Variants in AGPAT4 observed in about 807,000 individuals in gnomAD.
AGPAT4 encodes 1-acyl-sn-glycerol-3-phosphate acyltransferase delta.
A neutral mutation model predicts 48.0 loss-of-function variants in AGPAT4; 15 were observed. The observed-to-expected ratio is 0.31, with a 90% CI of 0.21 to 0.48. The LOEUF is 0.48. Among genes scored for constraint, AGPAT4 ranks in the 20% least tolerant of loss-of-function variants. The pLI is 0.99. For synonymous variants in AGPAT4, 178 were observed against 198.7 expected, an observed-to-expected ratio of 0.90 and a Z score of 0.88; for missense variants, 314 against 482.5, an observed-to-expected ratio of 0.65 and a Z score of 3.27.
At chr6:161,256,840 A>G (rs996977706) in intron 1 of AGPAT4, among the ~76,000 whole-genome samples, 6 of 152,262 alleles carry the variant, frequency 3.9e-5, no homozygotes, top group African/African-American at 1.2e-4. Flanking sequence ...CATTCTGCCT[A>G]GGAGACGAAT....
At position 161,254,385 on chromosome 6, in the gene AGPAT4, C is replaced by T. The variant is rs923730016; in HGVS notation, c.-90+19553G>A. 1.3e-5 allele frequency among the ~76,000 whole-genome samples: 2 copies of T among 152,120 alleles called. No homozygotes were observed. The highest frequency in any genetic ancestry group is 2.4e-5 in the African/African-American group (1 of 41,418). On this transcript the variant is annotated intron_variant, in intron 1 of 8. Transcript: ENST00000320285. The surrounding 1 kb of genome is among the most constrained non-coding windows in gnomAD (Gnocchi z 5.9). Reference sequence around the variant, plus strand: ...AGCTTCTTCCTGTCATTCACATCAGCCTAACTGATAACACTATTGAGGGCA... The same window carrying T: ...AGCTTCTTCCTGTCATTCACATCAGTCTAACTGATAACACTATTGAGGGCA...
In AGPAT4 at chr6:161,146,210, G is replaced by A. The variant is rs1013819282; in HGVS notation, c.843+314C>T. ...CAATCAAGACCATGTCCATTGCTGC[G>A]GAGAACATCCACCCCACAAGCACAT... On this transcript the variant is annotated intron_variant, in intron 7 of 8. Coordinates refer to ENST00000320285, the MANE Select transcript of AGPAT4 (RefSeq NM_020133.3). The surrounding 1 kb of genome is among the most constrained non-coding windows in gnomAD (Gnocchi z 7.1). Among the ~76,000 whole-genome samples the A allele has an allele frequency of 1.3e-5, 2 of 151,484 alleles. No homozygotes were observed. The highest frequency in any genetic ancestry group is 2.9e-5 in the Non-Finnish European group (2 of 68,034).
At position 161,240,689 on chromosome 6, in the gene AGPAT4, G is replaced by C. The variant is rs1335534968; in HGVS notation, c.-89-8387C>G. ...GAGGGGAGTGGATACAGTCCCAGGA[G>C]AAAGGAGGGAGCTGGTGTCCAGCAC... On this transcript the variant is annotated intron_variant, in intron 1 of 8. Coordinates refer to ENST00000320285, the MANE Select transcript of AGPAT4 (RefSeq NM_020133.3). The surrounding 1 kb of genome is among the most constrained non-coding windows in gnomAD (Gnocchi z 5.5). Among the ~76,000 whole-genome samples, 1 of 152,186 alleles carries C rather than the reference G, an allele frequency of 6.6e-6. No individual in the cohort carries two copies. Among genetic ancestry groups the C allele is most frequent in the Non-Finnish European group, 1.5e-5 (1 of 68,036 alleles).
chr6:161,184,804 A>G lies in AGPAT4; in HGVS notation c.179-18387T>C, dbSNP rs1247287064. Among the ~76,000 whole-genome samples the G allele has an allele frequency of 6.6e-6, 1 of 152,146 alleles. No homozygotes were observed. Among genetic ancestry groups the G allele is most frequent in the East Asian group, 1.9e-4 (1 of 5,186 alleles). On this transcript the variant is annotated intron_variant, in intron 2 of 8. Coordinates refer to ENST00000320285, the MANE Select transcript of AGPAT4 (RefSeq NM_020133.3). This position sits in a 1 kb window ranked among gnomAD's most constrained non-coding sequence, Gnocchi z 4.8. Reference sequence around the variant, plus strand: ...TGAGAGCTTGGTAGCCATAAATACCATCAGCCCTTAGATTTTGTTCTCTAA... The same window carrying G: ...TGAGAGCTTGGTAGCCATAAATACCGTCAGCCCTTAGATTTTGTTCTCTAA...
chr6:161,161,054 T>C lies in AGPAT4; in HGVS notation c.348+5194A>G. 2.2e-6 allele frequency: 1 copy of C among 456,584 alleles called. No individual in the cohort carries two copies. Among genetic ancestry groups the C allele is most frequent in the Non-Finnish European group, 4.4e-6 (1 of 226,946 alleles). The allele number at this position is 456,584 out of a possible 1,614,324, so 28.3% of individuals were successfully genotyped here. On this transcript the variant is annotated intron_variant, in intron 3 of 8. Transcript: ENST00000320285. This position sits in a 1 kb window ranked among gnomAD's most constrained non-coding sequence, Gnocchi z 4.6. Reference sequence around the variant, plus strand: ...GGACAGTTCATGGGATGATACCAAGTCGGTGTACAGCAGACAGCACAGGCT... The same window carrying C: ...GGACAGTTCATGGGATGATACCAAGCCGGTGTACAGCAGACAGCACAGGCT...
rs1001277255 is a variant in AGPAT4, at chr6:161,206,334, A to T, written c.178+25702T>A. ...TCCATCATTCTCCAGTGATAATGAG[A>T]CCACCCTTTTCCTCAACACAATAAA... On this transcript the variant is annotated intron_variant, in intron 2 of 8. Coordinates refer to ENST00000320285, the MANE Select transcript of AGPAT4 (RefSeq NM_020133.3). The surrounding 1 kb of genome is among the most constrained non-coding windows in gnomAD (Gnocchi z 4.8). Among the ~76,000 whole-genome samples the T allele has an allele frequency of 6.6e-6, 1 of 152,060 alleles. No individual in the cohort carries two copies. The highest frequency in any genetic ancestry group is 2.4e-5 in the African/African-American group (1 of 41,422).
intron 2 of AGPAT4, among the ~76,000 whole-genome samples, chr6:161,199,282 ATTCT>A (rs1364767022): frequency 6.6e-6 from 1 of 152,146 alleles, no homozygotes; most frequent in African/African-American, 2.4e-5. Flanking sequence ...CCCTCCTACA[ATTCT>A]TTCAGTGTTC....
At position 161,236,740 on chromosome 6, in the gene AGPAT4, C is replaced by CA. The variant is rs11462184; in HGVS notation, c.-89-4439dup. Among the ~76,000 whole-genome samples the CA allele has an allele frequency of 0.21, 28,796 of 140,218 alleles. 2,987 individuals carry two copies. Among genetic ancestry groups the CA allele is most frequent in the Non-Finnish European group, 0.25 (16,317 of 64,396 alleles). The allele number at this position is 140,218 out of a possible 152,430, so 92.0% of individuals were successfully genotyped here. A position where few individuals can be genotyped will look rare whatever the true frequency, so the allele number is the denominator to read the frequency against. On this transcript the variant is annotated intron_variant, in intron 1 of 8. Transcript: ENST00000320285. The surrounding 1 kb of genome is among the most constrained non-coding windows in gnomAD (Gnocchi z 5.0). ...TGAAACCCCATCTCCACTAAAAATA[C>CA]AAAAAAAAAAAAATAGCTGGATGTG...
Position 161,200,720 on chromosome 6 carries a change from T to C in AGPAT4, c.178+31316A>G, listed in dbSNP as rs902212222. 1.1e-4 allele frequency among the ~76,000 whole-genome samples: 16 copies of C among 152,164 alleles called. No individual in the cohort carries two copies. The highest frequency in any genetic ancestry group is 1.9e-4 in the Non-Finnish European group (13 of 68,022). On this transcript the variant is annotated intron_variant, in intron 2 of 8. Coordinates refer to ENST00000320285, the MANE Select transcript of AGPAT4 (RefSeq NM_020133.3). The surrounding 1 kb of genome is among the most constrained non-coding windows in gnomAD (Gnocchi z 5.5). Reference sequence around the variant, plus strand: ...GAATCGGGGACAAACAAGTGACATATTGGAATTCAAATGAGGCTCCATCTG... The same window carrying C: ...GAATCGGGGACAAACAAGTGACATACTGGAATTCAAATGAGGCTCCATCTG...
rs1003527324 is a variant in AGPAT4, at chr6:161,226,789, C to T, written c.178+5247G>A. 2.6e-5 allele frequency among the ~76,000 whole-genome samples: 4 copies of T among 152,138 alleles called. No homozygotes were observed. Among genetic ancestry groups the T allele is most frequent in the African/African-American group, 9.7e-5 (4 of 41,434 alleles). On this transcript the variant is annotated intron_variant, in intron 2 of 8. Transcript: ENST00000320285. The surrounding 1 kb of genome is among the most constrained non-coding windows in gnomAD (Gnocchi z 6.3). ...GGCCACCTTGCCTTCCCTGTGCTGC[C>T]GGGCAGGAGGGTCTGCAGGCAGAAG...
In AGPAT4 at chr6:161,134,717, G is replaced by A. The variant is rs1375885385; in HGVS notation, c.*1823C>T. On this transcript the variant is annotated 3_prime_UTR_variant, in exon 9 of 9. Coordinates refer to ENST00000320285, the MANE Select transcript of AGPAT4 (RefSeq NM_020133.3). ...ATAATCCAGGCGCAGGTCCACTAGGGCGTGCTCACAGACACGCAAGGCTAC... is the reference window on the plus strand; with the variant it reads ...ATAATCCAGGCGCAGGTCCACTAGGACGTGCTCACAGACACGCAAGGCTAC... 1 of 152,002 alleles carries A rather than the reference G, an allele frequency of 6.6e-6. No homozygotes were observed. Among genetic ancestry groups the A allele is most frequent in the Non-Finnish European group, 1.5e-5 (1 of 68,058 alleles). 9.4% of individuals were successfully genotyped at this position (152,002 alleles called of 1,614,324 possible). A position where few individuals can be genotyped will look rare whatever the true frequency, so the allele number is the denominator to read the frequency against.
At chr6:161,175,362 C>T (rs1780399852) in intron 2 of AGPAT4, among the ~76,000 whole-genome samples, 1 of 152,136 alleles carries the variant, frequency 6.6e-6, no homozygotes, top group African/African-American at 2.4e-5. Context: ...CAACTTCTTC[C>T]TGGTGTAGTC....
At chr6:161,247,871 A>G (rs1782698513) in intron 1 of AGPAT4, among the ~76,000 whole-genome samples, 1 of 151,144 alleles carries the variant, frequency 6.6e-6, no homozygotes, top group South Asian at 2.1e-4. Flanking sequence ...AATCCCAGCT[A>G]CTCAGAAGGC....
chr6:161,181,798 G>C (rs1459086242), intron 2 of AGPAT4, among the ~76,000 whole-genome samples: 1 of 152,118 alleles, frequency 6.6e-6, no homozygotes, highest in Non-Finnish European at 1.5e-5. Flanking sequence ...GCTAGAAGCC[G>C]AGGGTCCAAG....
At position 161,146,098 on chromosome 6, in the gene AGPAT4, A is replaced by C. The variant is rs762797433; in HGVS notation, c.843+426T>G. 3.3e-5 allele frequency among the ~76,000 whole-genome samples: 5 copies of C among 151,614 alleles called. No individual in the cohort carries two copies. Among genetic ancestry groups the C allele is most frequent in the Non-Finnish European group, 7.3e-5 (5 of 68,030 alleles). Reference sequence around the variant, plus strand: ...CACAGCAGGTTCGAACCCAGCCAAGACCAAGGTGGATCCTTGTAGGGCTTT... The same window carrying C: ...CACAGCAGGTTCGAACCCAGCCAAGCCCAAGGTGGATCCTTGTAGGGCTTT... On this transcript the variant is annotated intron_variant, in intron 7 of 8. Coordinates refer to ENST00000320285, the MANE Select transcript of AGPAT4 (RefSeq NM_020133.3). The surrounding 1 kb of genome is among the most constrained non-coding windows in gnomAD (Gnocchi z 7.1).
intron 2 of AGPAT4, among the ~76,000 whole-genome samples, chr6:161,173,043 T>C (rs1231652209): frequency 1.3e-5 from 2 of 152,236 alleles, no homozygotes; most frequent in African/African-American, 4.8e-5. Context: ...CAGTCTATCA[T>C]TGATGGACAT....
In AGPAT4 at chr6:161,130,991, A is replaced by C; in HGVS notation, c.*5549T>G. ...TATGGAATAGAAAAGGAAAAGTGACATTTGTGTAATTTATTTTGGAAATGC... is the reference window on the plus strand; with the variant it reads ...TATGGAATAGAAAAGGAAAAGTGACCTTTGTGTAATTTATTTTGGAAATGC... On this transcript the variant is annotated 3_prime_UTR_variant, in exon 9 of 9. Coordinates refer to ENST00000320285, the MANE Select transcript of AGPAT4 (RefSeq NM_020133.3). 1 of 475,426 alleles carries C rather than the reference A, an allele frequency of 2.1e-6. No homozygotes were observed. Among genetic ancestry groups the C allele is most frequent in the Non-Finnish European group, 4.3e-6 (1 of 231,502 alleles). 29.5% of individuals were successfully genotyped at this position (475,426 alleles called of 1,614,324 possible).
Position 161,235,158 on chromosome 6 carries a change from A to C in AGPAT4, c.-89-2856T>G, listed in dbSNP as rs1782239798. ...AGTTTGCAGCTCTGCCCTGTCTCTT[A>C]TTAGTTGTGTATTGGTACCCTATTT... On this transcript the variant is annotated intron_variant, in intron 1 of 8. Transcript: ENST00000320285. The surrounding 1 kb of genome is among the most constrained non-coding windows in gnomAD (Gnocchi z 6.2). Among the ~76,000 whole-genome samples, 1 of 152,066 alleles carries C rather than the reference A, an allele frequency of 6.6e-6. No homozygotes were observed.
chr6:161,248,131 C>T (rs950973766), intron 1 of AGPAT4, among the ~76,000 whole-genome samples: 1 of 151,950 alleles, frequency 6.6e-6, no homozygotes, highest in Non-Finnish European at 1.5e-5. Flanking sequence ...CAGTCTCAGC[C>T]CAAAAGCTCC....
Sources: allele counts gnomAD v4.1 joint callset (sites outside exome capture counted in the v4.1 genomes callset), GRCh38; gene constraint gnomAD v4.1.1; non-coding constraint Gnocchi (gnomAD v3.1); transcripts MANE v1.5; gene names NCBI Gene and HGNC (gene_info 2026-07-23, HGNC 2026-07-21).